VPS26A: variants seen among roughly 807,000 people sequenced by gnomAD.
VPS26A encodes the protein VPS26 retromer complex component A, also known as vacuolar protein sorting-associated protein 26A.
VPS26A carries 22 observed loss-of-function variants against 42.4 expected under a neutral mutation model. That is an observed-to-expected ratio of 0.52 (90% CI 0.37 to 0.74). The LOEUF is 0.74. VPS26A is among the 30% of genes least tolerant of loss of function. The pLI is 0.00. For missense variants in VPS26A, 276 were observed against 379.2 expected (o/e 0.73, Z 2.26); for synonymous variants, 110 against 123.5 (o/e 0.89, Z 0.73).
chr10:69,169,656 T>C (rs1444088476), intron 8 of VPS26A, among the ~76,000 whole-genome samples: 1 of 151,752 alleles, frequency 6.6e-6, no homozygotes, highest in Admixed American at 6.6e-5. Flanking sequence ...TTGCCCAGGC[T>C]GGAGTGCAGT....
intron 8 of VPS26A, 102 bp from the exon 9 acceptor site, chr10:69,171,054 G>A: frequency 1.0e-6 from 1 of 975,532 alleles, no homozygotes; most frequent in African/African-American, 1.7e-5. Flanking sequence ...CTTTTGTAGG[G>A]AAGAATTTAA....
intron 1 of VPS26A, among the ~76,000 whole-genome samples, chr10:69,129,844 A>G (rs953738771): frequency 1.3e-5 from 2 of 152,202 alleles, no homozygotes; most frequent in African/African-American, 4.8e-5. Context: ...TTTGCTACAT[A>G]TGTCAAAAGT....
chr10:69,137,102 T>C (rs1477988203), intron 2 of VPS26A, among the ~76,000 whole-genome samples: 2 of 152,190 alleles, frequency 1.3e-5, no homozygotes, highest in Non-Finnish European at 2.9e-5. Context: ...TGGCGTGTTT[T>C]AAAAAATAAT....
At chr10:69,126,775 CAG>C (rs1840664730) in intron 1 of VPS26A, among the ~76,000 whole-genome samples, 1 of 152,090 alleles carries the variant, frequency 6.6e-6, no homozygotes. Context: ...TTTCAAATGA[CAG>C]AAGTTGCACA....
At chr10:69,167,146 G>A (rs10998615) in intron 7 of VPS26A, among the ~76,000 whole-genome samples, 111,701 of 144,676 alleles carry the variant, frequency 0.77, 44,511 homozygotes, top group Non-Finnish European at 0.89. Context: ...AAAAAATTCA[G>A]GGGCCGGGCG....
intron 1 of VPS26A, among the ~76,000 whole-genome samples, chr10:69,129,755 C>T (rs1409527866): frequency 6.6e-6 from 1 of 152,112 alleles, no homozygotes; most frequent in African/African-American, 2.4e-5. Flanking sequence ...GAACTCCTGA[C>T]CTTGTGATTC....
intron 5 of VPS26A, among the ~76,000 whole-genome samples, 169 bp downstream of exon 5, chr10:69,158,380 A>C (rs1156505193): frequency 6.6e-6 from 1 of 152,208 alleles, no homozygotes; most frequent in African/African-American, 2.4e-5. Context: ...GTTTCCACTC[A>C]GTAAAGGTGT....
chr10:69,155,470 T>G (rs1391905259), intron 2 of VPS26A, among the ~76,000 whole-genome samples: 1 of 152,230 alleles, frequency 6.6e-6, no homozygotes, highest in African/African-American at 2.4e-5. Context: ...TAAAATGCTT[T>G]TATTAGTCAT....
intron 2 of VPS26A, among the ~76,000 whole-genome samples, chr10:69,151,282 A>AAAAAAAAAAAAAAAAACAC (rs71035063): frequency 7.3e-6 from 1 of 136,776 alleles, no homozygotes; most frequent in African/African-American, 3.3e-5. Context: ...AAAAAAAAAA[A>AAAAAAAAAAAAAAAAACAC]ACACACACAC....
chr10:69,166,762 A>G (rs1232902169), intron 7 of VPS26A, among the ~76,000 whole-genome samples: 1 of 152,170 alleles, frequency 6.6e-6, no homozygotes, highest in Non-Finnish European at 1.5e-5. Context: ...TCCAGCAGCC[A>G]CCAGTTTTTA....
At chr10:69,155,999 T>A in intron 3 of VPS26A, 112 bp downstream of exon 3, 1 of 748,002 alleles carries the variant, frequency 1.3e-6, no homozygotes, top group Non-Finnish European at 2.2e-6. Flanking sequence ...AGGAAGGAAT[T>A]GATTTTGCAT....
intron 2 of VPS26A, among the ~76,000 whole-genome samples, chr10:69,153,447 GCTC>G (rs1399184720): frequency 1.3e-5 from 2 of 151,686 alleles, no homozygotes; most frequent in East Asian, 3.9e-4. Context: ...AGGGTCAAAG[GCTC>G]CTCCTGCCAC....
Position 69,132,904 on chromosome 10 carries a change from C to G in VPS26A, c.10C>G (p.Leu4Val), listed in dbSNP as rs1301071638. 6.3e-7 allele frequency: 1 copy of G among 1,580,416 alleles called. No individual in the cohort carries two copies. The highest frequency in any genetic ancestry group is 8.5e-7 in the Non-Finnish European group (1 of 1,171,048). Reference protein sequence around the residue: MSFLGGFFGPICEI... With the variant: MSFVGGFFGPICEI... ...CATTTTCATTTTATTTCAGAGTTTTCTTGGAGGCTTTTTTGGTCCAATTTG... is the reference window on the plus strand; with the variant it reads ...CATTTTCATTTTATTTCAGAGTTTTGTTGGAGGCTTTTTTGGTCCAATTTG... The change falls in exon 2 of 9, where the codon CTT becomes GTT. Residue 4 changes from leucine to valine, a missense_variant. Leu to Val is a conservative substitution (Grantham distance 32). Coordinates refer to ENST00000263559, the MANE Select transcript of VPS26A (RefSeq NM_004896.5).
chr10:69,159,698 C>A (rs1339363698), intron 5 of VPS26A, among the ~76,000 whole-genome samples: 1 of 152,126 alleles, frequency 6.6e-6, no homozygotes, highest in East Asian at 1.9e-4. Context: ...CTAAATATAA[C>A]TACAATACTC....
chr10:69,127,854 G>A (rs1186300090), intron 1 of VPS26A, among the ~76,000 whole-genome samples: 2 of 148,392 alleles, frequency 1.3e-5, no homozygotes, highest in African/African-American at 5.0e-5. Flanking sequence ...ACACCACTAT[G>A]CTGGGCTAAT....
chr10:69,166,243 A>G (rs1047089371), intron 7 of VPS26A, 133 bp downstream of exon 7: 4 of 755,948 alleles, frequency 5.3e-6, no homozygotes, highest in African/African-American at 3.6e-5. Flanking sequence ...TTTTAAGGTC[A>G]TCTTTGTACA....
In VPS26A at chr10:69,124,239, G is replaced by A; in HGVS notation, c.-39G>A. 7.8e-7 allele frequency: 1 copy of A among 1,283,788 alleles called. No homozygotes were observed. Among genetic ancestry groups the A allele is most frequent in the Non-Finnish European group, 9.9e-7 (1 of 1,010,330 alleles). The allele number at this position is 1,283,788 out of a possible 1,614,324, so 79.5% of individuals were successfully genotyped here. A position where few individuals can be genotyped will look rare whatever the true frequency, so the allele number is the denominator to read the frequency against. On this transcript the variant is annotated 5_prime_UTR_variant, in exon 1 of 9. Coordinates refer to ENST00000263559, the MANE Select transcript of VPS26A (RefSeq NM_004896.5). ...GGGGCTGGGAGTTCTCCTGAGGGAA[G>A]AGGAGTGGAGTAGGGGGGACGCGGC...
chr10:69,130,769 G>T (rs1015156202), intron 1 of VPS26A, among the ~76,000 whole-genome samples: 1 of 152,154 alleles, frequency 6.6e-6, no homozygotes, highest in Non-Finnish European at 1.5e-5. Flanking sequence ...TATGTGAGTG[G>T]AGTTATACGT....
rs746565199 is a variant in VPS26A at position 69,158,229 on chromosome 10, ATAAGT to A, written c.551+20_551+24del. On this transcript the variant is annotated intron_variant, in intron 5 of 8. Coordinates refer to ENST00000263559, the MANE Select transcript of VPS26A (RefSeq NM_004896.5). Reference sequence around the variant, plus strand: ...AAATCAAAGTAAGTATCATTCACAGATAAGTTGTTCAGAGAAAATTCAAAAATTAA... The same window carrying A: ...AAATCAAAGTAAGTATCATTCACAGATGTTCAGAGAAAATTCAAAAATTAA... 24 of 1,552,236 alleles carry A rather than the reference ATAAGT, an allele frequency of 1.5e-5. No individual in the cohort carries two copies. In the Admixed American group the frequency reaches 4.9e-4, roughly 32 times the overall value.
Sources: allele counts gnomAD v4.1 joint callset (sites outside exome capture counted in the v4.1 genomes callset), GRCh38; gene constraint gnomAD v4.1.1; transcripts MANE v1.5; gene names NCBI Gene and HGNC (gene_info 2026-07-23, HGNC 2026-07-21).